The following ADGRL3 variants were observed in gnomAD, a reference collection of about 807,000 sequenced individuals.
ADGRL3 encodes calcium-independent alpha-latrotoxin receptor 3.
In ADGRL3, 62 loss-of-function variants were observed where a neutral mutation model predicts 153.5. The ratio of observed to expected loss-of-function variants is 0.40; its 90% CI spans 0.33 to 0.50. ADGRL3 has a LOEUF of 0.50. Ranked by LOEUF, ADGRL3 falls within the 20% of genes least tolerant of loss-of-function variation. The probability of loss-of-function intolerance (pLI) is 0.47; values close to 1 mark genes in which losing one functional copy is unlikely to be tolerated. For synonymous variants in ADGRL3, 710 were observed against 672.5 expected (o/e 1.06, Z -0.86); for missense variants, 1,641 against 1,859.4 (o/e 0.88, Z 2.16).
intron 2 of ADGRL3, among the ~76,000 whole-genome samples, chr4:61,492,198 T>C (rs984258259): frequency 1.3e-5 from 2 of 152,140 alleles, no homozygotes; most frequent in Non-Finnish European, 2.9e-5. Context: ...AAAAAGTATA[T>C]GACAAATATG....
intron 9 of ADGRL3, among the ~76,000 whole-genome samples, chr4:61,866,134 G>A (rs1004032366): frequency 2.0e-5 from 3 of 152,186 alleles, no homozygotes; most frequent in African/African-American, 7.2e-5. Context: ...CTGCCCCTGA[G>A]AAATTTATGC....
intron 17 of ADGRL3, among the ~76,000 whole-genome samples, chr4:61,957,944 A>T (rs1283116965): frequency 6.6e-6 from 1 of 152,116 alleles, no homozygotes; most frequent in Non-Finnish European, 1.5e-5. Context: ...TATCGTTTTC[A>T]GTGTTTCACA....
In ADGRL3 at chr4:61,455,342, T is replaced by A. The variant is rs866328332; in HGVS notation, c.-173-41779T>A. Among the ~76,000 whole-genome samples, 13 of 152,268 alleles carry A rather than the reference T, an allele frequency of 8.5e-5. 2 individuals are homozygous for A. In the South Asian group the frequency reaches 1.7e-3, roughly 19 times the overall value. ...GGAATATTTTCAAAGTTGAAAGTGT[T>A]TTTTCTGTGACAAAGGTTATAGTTG... On this transcript the variant is annotated intron_variant, in intron 2 of 26. Transcript: ENST00000683033.
intron 1 of ADGRL3, among the ~76,000 whole-genome samples, chr4:61,229,752 A>T (rs539638095): frequency 9.9e-5 from 15 of 151,948 alleles, no homozygotes; most frequent in Non-Finnish European, 1.3e-4. Flanking sequence ...AAACATTTTT[A>T]AAAAATTAGC....
chr4:61,581,440 G>C (rs1000935737), intron 4 of ADGRL3, among the ~76,000 whole-genome samples: 3 of 151,998 alleles, frequency 2.0e-5, no homozygotes, highest in Non-Finnish European at 2.9e-5. Flanking sequence ...GAATCAAAAT[G>C]CGCATGCCCT....
intron 2 of ADGRL3, among the ~76,000 whole-genome samples, chr4:61,403,731 T>TG (rs1189729564): frequency 1.3e-5 from 2 of 151,944 alleles, no homozygotes; most frequent in African/African-American, 4.8e-5. Flanking sequence ...TGTTTGAAGT[T>TG]GGGGGACAGG....
At chr4:61,747,366 G>A (rs562398351) in intron 8 of ADGRL3, among the ~76,000 whole-genome samples, 1 of 152,100 alleles carries the variant, frequency 6.6e-6, no homozygotes, top group South Asian at 2.1e-4. Context: ...TATGAGGCCA[G>A]CATCATCCTG....
chr4:61,724,438 T>C (rs1479481695), intron 6 of ADGRL3, among the ~76,000 whole-genome samples: 1 of 152,194 alleles, frequency 6.6e-6, no homozygotes, highest in Non-Finnish European at 1.5e-5. Flanking sequence ...CATCTATAGA[T>C]ATTGCATTTA....
intron 15 of ADGRL3, among the ~76,000 whole-genome samples, chr4:61,936,460 T>A (rs190911829): frequency 6.6e-6 from 1 of 152,196 alleles, no homozygotes; most frequent in Non-Finnish European, 1.5e-5. Context: ...GAGAGTGTTT[T>A]TGTGCTTTTC....
intron 5 of ADGRL3, among the ~76,000 whole-genome samples, chr4:61,656,269 A>G (rs1283845142): frequency 6.6e-6 from 1 of 152,182 alleles, no homozygotes; most frequent in Non-Finnish European, 1.5e-5. Context: ...AAAACTTAGT[A>G]TGACTCAGAT....
intron 2 of ADGRL3, among the ~76,000 whole-genome samples, chr4:61,452,600 C>G (rs959701735): frequency 6.6e-6 from 1 of 152,158 alleles, no homozygotes; most frequent in Non-Finnish European, 1.5e-5. Flanking sequence ...TGAAATCATT[C>G]TCAGCTCTTG....
At chr4:62,054,172 TA>T (rs1735770793) in intron 25 of ADGRL3, among the ~76,000 whole-genome samples, 1 of 151,672 alleles carries the variant, frequency 6.6e-6, no homozygotes, top group African/African-American at 2.4e-5. Context: ...TGCCTGTGGT[TA>T]AGGAAAATTG....
At chr4:61,913,851 A>G (rs906671821) in intron 13 of ADGRL3, among the ~76,000 whole-genome samples, 2 of 152,164 alleles carry the variant, frequency 1.3e-5, no homozygotes, top group Non-Finnish European at 2.9e-5. Flanking sequence ...GAAAAGCACA[A>G]TACAGTAGAC....
chr4:61,806,574 CAG>C (rs2097555233), intron 8 of ADGRL3, among the ~76,000 whole-genome samples: 1 of 151,908 alleles, frequency 6.6e-6, no homozygotes, highest in African/African-American at 2.4e-5. Flanking sequence ...ATTTTCATAA[CAG>C]AATTTGAGTA....
chr4:61,206,777 T>A (rs890794193), intron 1 of ADGRL3, among the ~76,000 whole-genome samples: 1 of 151,250 alleles, frequency 6.6e-6, no homozygotes, highest in Non-Finnish European at 1.5e-5. Context: ...AAGTAAGGAG[T>A]TTGAGACCAA....
intron 15 of ADGRL3, among the ~76,000 whole-genome samples, chr4:61,937,924 T>C (rs1323356672): frequency 2.0e-5 from 3 of 152,200 alleles, no homozygotes; most frequent in Non-Finnish European, 4.4e-5. Flanking sequence ...GTGTTTTGTT[T>C]TGTTTTGTTT....
At chr4:61,932,521 T>G (rs1184198677) in intron 13 of ADGRL3, among the ~76,000 whole-genome samples, 1 of 152,144 alleles carries the variant, frequency 6.6e-6, no homozygotes, top group Admixed American at 6.6e-5. Flanking sequence ...CAGGGATAAA[T>G]TGCACTTGAT....
At chr4:61,410,830 C>T (rs557616573) in intron 2 of ADGRL3, among the ~76,000 whole-genome samples, 9 of 152,284 alleles carry the variant, frequency 5.9e-5, no homozygotes, top group Admixed American at 2.0e-4. Flanking sequence ...TGTCTGGTGA[C>T]GGAGCTGCTG....
chr4:61,374,348 A>G (rs1384521268), intron 1 of ADGRL3, among the ~76,000 whole-genome samples: 5 of 152,168 alleles, frequency 3.3e-5, no homozygotes, highest in African/African-American at 1.2e-4. Flanking sequence ...TCTGTATAGG[A>G]AAGAAAGAAT....
Sources: gnomAD v4.1 joint callset for allele counts (sites outside exome capture counted in the v4.1 genomes callset) on GRCh38, gnomAD v4.1.1 for gene constraint, MANE v1.5 for transcripts, NCBI Gene and HGNC (gene_info 2026-07-23, HGNC 2026-07-21) for gene names.